Variants in WDTC1 observed in about 807,000 individuals in gnomAD.
WDTC1 encodes WD and tetratricopeptide repeats 1.
Under a neutral mutation model 76.0 loss-of-function variants are expected in WDTC1, and 12 were observed. The observed-to-expected ratio is 0.16, with a 90% confidence interval of 0.10 to 0.26. The LOEUF (loss-of-function observed/expected upper bound fraction) is 0.26, where lower values mean the gene tolerates loss of function less well. Among genes scored for constraint, WDTC1 ranks in the 10% least tolerant of loss-of-function variants. WDTC1 has a pLI of 1.00. For missense variants in WDTC1, 511 were observed against 908.8 expected (o/e 0.56, Z 5.63); for synonymous variants, 326 against 350.8 (o/e 0.93, Z 0.79).
rs146447510 is a variant in WDTC1, at chr1:27,293,889, T to C, written c.663-133T>C. The C allele has an allele frequency of 5.6e-4, 409 of 725,554 alleles. 1 individual carries two copies. The African/African-American group carries it at 6.4e-3, about 11-fold the overall frequency. The allele number at this position is 725,554 out of a possible 1,614,324, so 44.9% of individuals were successfully genotyped here. A position where few individuals can be genotyped will look rare whatever the true frequency, so the allele number is the denominator to read the frequency against. ...TTGTCTAGTTGGTGGGCCTTTGGGG[T>C]TGCTTAGGTAAGGAGGAAAAATACC... On this transcript the variant is annotated intron_variant, in intron 7 of 15. Transcript: ENST00000319394.
At chr1:27,263,058 G>A in intron 2 of WDTC1, 94 bp from the exon 3 acceptor site, 10 of 1,348,338 alleles carry the variant, frequency 7.4e-6, no homozygotes, top group Non-Finnish European at 1.0e-5. Flanking sequence ...TTTAGCTCCT[G>A]TGGTGCCCAG....
chr1:27,293,556 A>G (rs2013599490), intron 7 of WDTC1, among the ~76,000 whole-genome samples: 1 of 152,070 alleles, frequency 6.6e-6, no homozygotes, highest in African/African-American at 2.4e-5. Flanking sequence ...TCTTTCTTAA[A>G]GAAATCACTG....
At chr1:27,270,305 C>G (rs1430490917) in intron 3 of WDTC1, among the ~76,000 whole-genome samples, 3 of 152,032 alleles carry the variant, frequency 2.0e-5, no homozygotes, top group Non-Finnish European at 4.4e-5. Context: ...ACAGGCAGAA[C>G]CAGTTAAGAG....
In WDTC1 at chr1:27,303,730, T is replaced by C. The variant is rs918177328; in HGVS notation, c.1578T>C (p.Tyr526=). ...EMVLRERSYD[Y]QFRYCGHCNT... ...TGCTGCGGGAGCGAAGCTACGACTA[T>C]CAGTTCCGCTACTGCGGCCACTGCA... The change falls in exon 14 of 16, where the codon TAT becomes TAC. Residue 526 remains tyrosine, a synonymous_variant. Transcript: ENST00000319394. The surrounding 1 kb of genome is among the most constrained non-coding windows in gnomAD (Gnocchi z 4.8). 3.7e-6 allele frequency: 6 copies of C among 1,613,968 alleles called. No homozygotes were observed. Among genetic ancestry groups the C allele is most frequent in the South Asian group, 1.1e-5 (1 of 91,070 alleles).
At chr1:27,244,737 A>C (rs952142871) in intron 1 of WDTC1, among the ~76,000 whole-genome samples, 4 of 152,166 alleles carry the variant, frequency 2.6e-5, no homozygotes, top group African/African-American at 9.7e-5. Context: ...GATTGCTCCA[A>C]TAGAACCACT....
chr1:27,294,323 G>C (rs1394341655), intron 8 of WDTC1, among the ~76,000 whole-genome samples, 191 bp from the exon 9 acceptor site: 1 of 152,172 alleles, frequency 6.6e-6, no homozygotes, highest in East Asian at 1.9e-4. Flanking sequence ...TAAGTAAAAT[G>C]GGGTTATAAT....
At chr1:27,242,560 C>G (rs2011662697) in intron 1 of WDTC1, among the ~76,000 whole-genome samples, 1 of 152,026 alleles carries the variant, frequency 6.6e-6, no homozygotes, top group South Asian at 2.1e-4. Context: ...ACCTCTGCCT[C>G]CCGGGTTCAA....
In WDTC1 at chr1:27,301,594, G is replaced by C; in HGVS notation, c.1468+133G>C. ...TTGATTCAGAAACCATGCAACTTTG[G>C]GGCAGTTACTTGGTGTCTCTCTCAG... On this transcript the variant is annotated intron_variant, in intron 13 of 15. Coordinates refer to ENST00000319394, the MANE Select transcript of WDTC1 (RefSeq NM_001276252.2). This position sits in a 1 kb window ranked among gnomAD's most constrained non-coding sequence, Gnocchi z 5.8. 9.7e-7 allele frequency: 1 copy of C among 1,031,726 alleles called. No homozygotes were observed. Among genetic ancestry groups the C allele is most frequent in the Non-Finnish European group, 1.4e-6 (1 of 711,290 alleles). 63.9% of individuals were successfully genotyped at this position (1,031,726 alleles called of 1,614,324 possible).
chr1:27,298,231 T>C (rs1489817476), intron 12 of WDTC1, 120 bp downstream of exon 12: 4 of 1,285,296 alleles, frequency 3.1e-6, no homozygotes, highest in African/African-American at 1.5e-5. Context: ...CAAGAACATA[T>C]TGCTGCCTCT....
intron 1 of WDTC1, among the ~76,000 whole-genome samples, chr1:27,235,403 TGTG>T (rs2147891613): frequency 7.5e-6 from 1 of 133,754 alleles, no homozygotes; most frequent in African/African-American, 2.8e-5. Context: ...TCTGTGTGTG[TGTG>T]TGTGTGTGTG....
At chr1:27,244,661 A>G (rs1166737121) in intron 1 of WDTC1, among the ~76,000 whole-genome samples, 2 of 152,130 alleles carry the variant, frequency 1.3e-5, no homozygotes, top group Non-Finnish European at 2.9e-5. Flanking sequence ...GTTATTTCCA[A>G]TGACCTTTAT....
At chr1:27,235,085 C>T (rs1260361065) in intron 1 of WDTC1, 134 bp downstream of exon 1, 1 of 298,952 alleles carries the variant, frequency 3.3e-6, no homozygotes, top group African/African-American at 2.2e-5. Context: ...CTACCCGCCT[C>T]GGGGCCCCGG....
intron 1 of WDTC1, among the ~76,000 whole-genome samples, chr1:27,258,322 C>T (rs1472409778): frequency 6.6e-6 from 1 of 151,314 alleles, no homozygotes; most frequent in African/African-American, 2.4e-5. Context: ...CACCTGAGGT[C>T]GGGAGTTCGA....
At chr1:27,256,575 T>G (rs2147924933) in intron 1 of WDTC1, among the ~76,000 whole-genome samples, 1 of 152,362 alleles carries the variant, frequency 6.6e-6, no homozygotes, top group Non-Finnish European at 1.5e-5. Context: ...AGCTCACCAG[T>G]TATTGTCACT....
intron 6 of WDTC1, among the ~76,000 whole-genome samples, chr1:27,288,973 CG>C (rs1409134043): frequency 2.5e-4 from 22 of 89,002 alleles, no homozygotes; most frequent in Admixed American, 1.8e-3. Context: ...GCTGGCCGGG[CG>C]GGGGGCTGAC....
Position 27,306,109 on chromosome 1 carries a change from TC to T in WDTC1, c.1837-72del. On this transcript the variant is annotated intron_variant, in intron 15 of 15. Coordinates refer to ENST00000319394, the MANE Select transcript of WDTC1 (RefSeq NM_001276252.2). This position sits in a 1 kb window ranked among gnomAD's most constrained non-coding sequence, Gnocchi z 5.0. The stretch of plus-strand genomic sequence containing the variant: ...AGATAGTTTAGTCTGTGTATTTCCC[TC>T]CCCCTCCCCTATACGTGTACCCTGG... 4.0e-6 allele frequency: 6 copies of T among 1,509,078 alleles called. No homozygotes were observed. The highest frequency in any genetic ancestry group is 1.4e-5 in the African/African-American group (1 of 72,990). 93.5% of individuals were successfully genotyped at this position (1,509,078 alleles called of 1,614,324 possible).
At chr1:27,254,010 G>T (rs2012189386) in intron 1 of WDTC1, among the ~76,000 whole-genome samples, 1 of 152,154 alleles carries the variant, frequency 6.6e-6, no homozygotes, top group African/African-American at 2.4e-5. Flanking sequence ...ACTGAGGTAT[G>T]AAACTTGTTA....
Position 27,303,780 on chromosome 1 carries a change from C to A in WDTC1, c.1628C>A (p.Ala543Asp), listed in dbSNP as rs1297006373. Residue 543 changes from alanine to aspartate, a missense_variant, in exon 14 of 16, where the codon GCC becomes GAC. Transcript: ENST00000319394. The surrounding 1 kb of genome is among the most constrained non-coding windows in gnomAD (Gnocchi z 4.8). Reference sequence around the variant, plus strand: ...AACACCACCACGGATATCAAAGAGGCCAATTTCTTTGGCAGGTCCGAGGCC... The same window carrying A: ...AACACCACCACGGATATCAAAGAGGACAATTTCTTTGGCAGGTCCGAGGCC... Reference protein sequence around the residue: ...HCNTTTDIKEANFFGSNAQYI... With the variant: ...HCNTTTDIKEDNFFGSNAQYI... The A allele has an allele frequency of 6.2e-7, 1 of 1,614,030 alleles. No individual in the cohort carries two copies. Among genetic ancestry groups the A allele is most frequent in the South Asian group, 1.1e-5 (1 of 91,048 alleles).
intron 3 of WDTC1, among the ~76,000 whole-genome samples, chr1:27,281,259 C>A (rs1160292582): frequency 6.6e-6 from 1 of 152,048 alleles, no homozygotes; most frequent in East Asian, 2.0e-4. Context: ...CGAGACCATC[C>A]TGGCTAACAC....
Sources: gnomAD v4.1 joint callset for allele counts (sites outside exome capture counted in the v4.1 genomes callset) on GRCh38, gnomAD v4.1.1 for gene constraint, Gnocchi (gnomAD v3.1) non-coding constraint, MANE v1.5 for transcripts, NCBI Gene and HGNC (gene_info 2026-07-23, HGNC 2026-07-21) for gene names.